The following SNX14 variants were observed in gnomAD, a reference collection of about 807,000 sequenced individuals.
SNX14 encodes sorting nexin-14.
A neutral mutation model predicts 133.8 loss-of-function variants in SNX14; 93 were observed. The ratio of observed to expected loss-of-function variants is 0.70; its 90% confidence interval spans 0.59 to 0.83. The LOEUF is 0.83. SNX14 is among the 40% of genes least tolerant of loss of function. SNX14 has a pLI of 0.00. For synonymous variants in SNX14, 368 were observed against 365.6 expected (o/e 1.01, Z -0.07); for missense variants, 945 against 1,094.9 (o/e 0.86, Z 1.93).
intron 7 of SNX14, among the ~76,000 whole-genome samples, chr6:85,551,256 T>A (rs1008253108): frequency 3.9e-5 from 6 of 152,172 alleles, no homozygotes; most frequent in Admixed American, 3.9e-4. Context: ...TACTCTGTGT[T>A]CTCAGAAAGA....
chr6:85,554,518 T>C (rs1314525388), intron 7 of SNX14, among the ~76,000 whole-genome samples: 2 of 152,084 alleles, frequency 1.3e-5, no homozygotes, highest in African/African-American at 2.4e-5. Context: ...AATTTATACA[T>C]TAAATGAAAA....
At chr6:85,550,137 T>C (rs1787201941) in intron 7 of SNX14, among the ~76,000 whole-genome samples, 1 of 152,182 alleles carries the variant, frequency 6.6e-6, no homozygotes, top group South Asian at 2.1e-4. Context: ...TCCCAGCTAC[T>C]CAAGAGGCTG....
At chr6:85,574,025 C>T (rs1583044530) in intron 2 of SNX14, among the ~76,000 whole-genome samples, 1 of 149,748 alleles carries the variant, frequency 6.7e-6, no homozygotes, top group African/African-American at 2.5e-5. Flanking sequence ...TTCTAATAGA[C>T]TTCCATTATT....
At chr6:85,543,837 T>G (rs1023723113) in intron 12 of SNX14, 77 bp from the exon 13 acceptor site, 10 of 848,724 alleles carry the variant, frequency 1.2e-5, no homozygotes, top group Middle Eastern at 8.1e-4. Flanking sequence ...CCCATTCTAA[T>G]TGTAGCCAAT....
intron 7 of SNX14, among the ~76,000 whole-genome samples, chr6:85,555,474 GA>G (rs771205313): frequency 5.9e-4 from 90 of 152,258 alleles, no homozygotes; most frequent in Admixed American, 1.0e-3. Context: ...AAATCCATCT[GA>G]AACATACTGT....
chr6:85,516,746 T>C (rs1775168653), intron 23 of SNX14, among the ~76,000 whole-genome samples: 1 of 149,396 alleles, frequency 6.7e-6, no homozygotes, highest in South Asian at 2.2e-4. Flanking sequence ...CAAGCGACTC[T>C]CCTGCCTCGG....
intron 26 of SNX14, among the ~76,000 whole-genome samples, chr6:85,510,165 A>AT: frequency 6.6e-6 from 1 of 152,162 alleles, no homozygotes; most frequent in African/African-American, 2.4e-5. Flanking sequence ...AAGAAACATA[A>AT]TTGCCAGATC....
rs768873079 is a variant in SNX14, at chr6:85,565,462, T to C, written c.462-43A>G. 7 of 1,439,224 alleles carry C rather than the reference T, an allele frequency of 4.9e-6. No homozygotes were observed. In the Admixed American group the frequency reaches 1.5e-4, roughly 30 times the overall value. The allele number at this position is 1,439,224 out of a possible 1,614,324, so 89.2% of individuals were successfully genotyped here. A position where few individuals can be genotyped will look rare whatever the true frequency, so the allele number is the denominator to read the frequency against. Reference sequence around the variant, plus strand: ...ACAAATATTCAGAAGTTCAGAGAAATACAGTTTCACCTTCTACAATCCAAG... The same window carrying C: ...ACAAATATTCAGAAGTTCAGAGAAACACAGTTTCACCTTCTACAATCCAAG... On this transcript the variant is annotated intron_variant, in intron 5 of 28. Coordinates refer to ENST00000314673, the MANE Select transcript of SNX14 (RefSeq NM_153816.6).
chr6:85,578,656 A>T (rs1431901117), intron 1 of SNX14, among the ~76,000 whole-genome samples: 1 of 152,216 alleles, frequency 6.6e-6, no homozygotes, highest in Non-Finnish European at 1.5e-5. Flanking sequence ...TGACTGATGG[A>T]CCAAGCTATC....
chr6:85,515,250 G>A (rs558781231), intron 23 of SNX14, among the ~76,000 whole-genome samples: 53 of 108,576 alleles, frequency 4.9e-4, no homozygotes, highest in Admixed American at 1.1e-3. Flanking sequence ...CTGGGTGACA[G>A]AGCAAGACCG....
At chr6:85,526,745 T>C (rs1399069551) in intron 20 of SNX14, among the ~76,000 whole-genome samples, 1 of 152,196 alleles carries the variant, frequency 6.6e-6, no homozygotes, top group African/African-American at 2.4e-5. Flanking sequence ...AAAAATCTGT[T>C]GTCTGTTCTT....
At chr6:85,517,682 C>T (rs1429409630) in intron 23 of SNX14, 74 bp downstream of exon 23, 1 of 1,466,840 alleles carries the variant, frequency 6.8e-7, no homozygotes, top group Non-Finnish European at 9.1e-7. Flanking sequence ...AGTATTCATT[C>T]TCTCGACAAT....
intron 12 of SNX14, among the ~76,000 whole-genome samples, chr6:85,546,902 A>G (rs1368212821): frequency 1.3e-5 from 2 of 150,742 alleles, no homozygotes; most frequent in East Asian, 3.9e-4. Flanking sequence ...CGGAGGTTGC[A>G]GTGAGCCAAG....
intron 21 of SNX14, among the ~76,000 whole-genome samples, chr6:85,523,306 A>G (rs1014633429): frequency 3.9e-5 from 6 of 152,234 alleles, no homozygotes; most frequent in African/African-American, 1.4e-4. Context: ...TATGTTACAT[A>G]AGATAAACTG....
chr6:85,538,769 A>G (rs1782707899), intron 16 of SNX14, 69 bp downstream of exon 16: 1 of 1,385,336 alleles, frequency 7.2e-7, no homozygotes, highest in Non-Finnish European at 1.0e-6. Flanking sequence ...TTTTATTTGT[A>G]TTAGGTTGTT....
At chr6:85,564,425 C>G (rs988724515) in intron 6 of SNX14, among the ~76,000 whole-genome samples, 2 of 152,204 alleles carry the variant, frequency 1.3e-5, no homozygotes, top group African/African-American at 2.4e-5. Flanking sequence ...ACATCCTCTC[C>G]AGCACCTGTT....
At chr6:85,556,134 C>G (rs1789691209) in intron 7 of SNX14, among the ~76,000 whole-genome samples, 1 of 152,158 alleles carries the variant, frequency 6.6e-6, no homozygotes, top group African/African-American at 2.4e-5. Context: ...CATGAGAACT[C>G]ACTGTACTTT....
intron 9 of SNX14, 23 bp from the exon 10 acceptor site, chr6:85,547,573 A>C (rs1311422312): frequency 6.4e-7 from 1 of 1,557,006 alleles, no homozygotes; most frequent in Non-Finnish European, 8.7e-7. Context: ...AATAAACATA[A>C]GTCAAAATAA....
At chr6:85,568,215 G>A (rs1794504382) in intron 4 of SNX14, 1 of 152,178 alleles carries the variant, frequency 6.6e-6, no homozygotes, top group African/African-American at 2.4e-5. Context: ...AAGCTTAACT[G>A]AACCAAAAAC....
Sources: allele counts gnomAD v4.1 joint callset (sites outside exome capture counted in the v4.1 genomes callset), GRCh38; gene constraint gnomAD v4.1.1; transcripts MANE v1.5; gene names NCBI Gene and HGNC (gene_info 2026-07-23, HGNC 2026-07-21).